Variants in AMOTL1 observed in about 807,000 individuals in gnomAD.
The protein encoded by AMOTL1 is angiomotin-like protein 1.
AMOTL1 carries 45 observed loss-of-function variants against 102.9 expected under a neutral mutation model. The ratio of observed to expected loss-of-function variants is 0.44; its 90% confidence interval spans 0.34 to 0.56. The LOEUF (loss-of-function observed/expected upper bound fraction) is 0.56. Ranked by LOEUF, AMOTL1 falls within the 20% of genes least tolerant of loss-of-function variation. The pLI, the probability that AMOTL1 is intolerant of heterozygous loss-of-function variation, is 0.01. For missense variants in AMOTL1, 1,114 were observed against 1,225.6 expected, an observed-to-expected ratio of 0.91 and a Z score of 1.36; for synonymous variants, 481 against 484.7, an observed-to-expected ratio of 0.99 and a Z score of 0.10.
At chr11:94,855,032 T>G (rs1952632639) in intron 8 of AMOTL1, among the ~76,000 whole-genome samples, 1 of 152,198 alleles carries the variant, frequency 6.6e-6, no homozygotes, top group African/African-American at 2.4e-5. Context: ...TGGCCCCAGA[T>G]GAGCCTGTCC....
At chr11:94,713,502 C>T (rs1358855363) in intron 1 of AMOTL1, among the ~76,000 whole-genome samples, 1 of 150,776 alleles carries the variant, frequency 6.6e-6, no homozygotes, top group Non-Finnish European at 1.5e-5. Flanking sequence ...GTCTTCCAAT[C>T]CTTTAACATG....
intron 1 of AMOTL1, among the ~76,000 whole-genome samples, chr11:94,776,943 A>G (rs1951033389): frequency 1.3e-5 from 2 of 152,238 alleles, no homozygotes; most frequent in African/African-American, 4.8e-5. Context: ...GGAACATAGA[A>G]GAAGGGCAGA....
At chr11:94,831,330 G>C (rs1592011562) in intron 5 of AMOTL1, 122 bp from the exon 6 acceptor site, 2 of 713,878 alleles carry the variant, frequency 2.8e-6, no homozygotes, top group Non-Finnish European at 4.6e-6. Flanking sequence ...AAGTTGTTCA[G>C]TTTTGGGCTC....
chr11:94,865,585 G>A (rs1019094981), intron 10 of AMOTL1, among the ~76,000 whole-genome samples: 2 of 152,110 alleles, frequency 1.3e-5, no homozygotes, highest in Non-Finnish European at 2.9e-5. Flanking sequence ...CCTGTTTGAG[G>A]CTTTAGAGTT....
At chr11:94,831,612 T>C in intron 6 of AMOTL1, 71 bp downstream of exon 6, 2 of 1,352,032 alleles carry the variant, frequency 1.5e-6, no homozygotes, top group Non-Finnish European at 2.1e-6. Flanking sequence ...AAGAATCATA[T>C]TAGTTTCAAG....
chr11:94,762,423 C>T (rs1233890855), intron 3 of AMOTL1, among the ~76,000 whole-genome samples: 1 of 152,160 alleles, frequency 6.6e-6, no homozygotes, highest in Non-Finnish European at 1.5e-5. Context: ...GGGGTGGTTG[C>T]CACTGGCATC....
chr11:94,826,590 CCTT>C (rs543938388), intron 4 of AMOTL1, among the ~76,000 whole-genome samples: 2 of 152,272 alleles, frequency 1.3e-5, no homozygotes, highest in South Asian at 4.2e-4. Context: ...AAGAGCACGT[CCTT>C]CTTCATAACA....
intron 1 of AMOTL1, among the ~76,000 whole-genome samples, chr11:94,711,922 G>T (rs1403747333): frequency 1.3e-5 from 2 of 152,020 alleles, no homozygotes; most frequent in East Asian, 3.9e-4. Context: ...CAAGTTTTTT[G>T]CATGAACATA....
chr11:94,777,485 C>G (rs193121510), intron 1 of AMOTL1, among the ~76,000 whole-genome samples: 1 of 152,102 alleles, frequency 6.6e-6, no homozygotes, highest in Non-Finnish European at 1.5e-5. Context: ...TTCTTACTTT[C>G]AAATTTCTCC....
intron 2 of AMOTL1, chr11:94,729,135 T>G: frequency 9.6e-7 from 1 of 1,036,496 alleles, no homozygotes; most frequent in Non-Finnish European, 1.3e-6. Context: ...CTGTACTCAG[T>G]ACGTGCCCAC....
chr11:94,850,086 G>A (rs1952500498), intron 6 of AMOTL1, 28 bp from the exon 7 acceptor site: 2 of 1,567,672 alleles, frequency 1.3e-6, no homozygotes, highest in Non-Finnish European at 8.7e-7. Context: ...TTCTGATAGA[G>A]GTAGTTTTGT....
chr11:94,847,902 T>C (rs140423341), intron 6 of AMOTL1, among the ~76,000 whole-genome samples: 1 of 152,182 alleles, frequency 6.6e-6, no homozygotes, highest in Non-Finnish European at 1.5e-5. Context: ...GCTCAGACTA[T>C]CATTTTATTA....
At chr11:94,724,643 C>T (rs1178423445) in intron 1 of AMOTL1, among the ~76,000 whole-genome samples, 1 of 152,118 alleles carries the variant, frequency 6.6e-6, no homozygotes, top group Admixed American at 6.5e-5. Flanking sequence ...TACATGTCTC[C>T]TCCTCAAGTT....
intron 2 of AMOTL1, among the ~76,000 whole-genome samples, chr11:94,740,657 G>A (rs1950507987): frequency 6.6e-6 from 1 of 151,986 alleles, no homozygotes; most frequent in South Asian, 2.1e-4. Flanking sequence ...CCCGGCCGGG[G>A]GAGCCGCGGG....
chr11:94,755,956 C>T (rs1037700097), intron 3 of AMOTL1, among the ~76,000 whole-genome samples: 8 of 152,090 alleles, frequency 5.3e-5, no homozygotes, highest in African/African-American at 1.9e-4. Flanking sequence ...CACACGTGGG[C>T]TTGGAGGATG....
rs1692932589 is a variant in AMOTL1, at chr11:94,876,013, T to G, written c.*5218T>G. The G allele has an allele frequency of 6.6e-6, 1 of 152,648 alleles. No homozygotes were observed. Among genetic ancestry groups the G allele is most frequent in the Non-Finnish European group, 1.5e-5 (1 of 68,042 alleles). The allele number at this position is 152,648 out of a possible 1,614,324, so 9.5% of individuals were successfully genotyped here. On this transcript the variant is annotated 3_prime_UTR_variant, in exon 13 of 13. Coordinates refer to ENST00000433060, the MANE Select transcript of AMOTL1 (RefSeq NM_130847.3). ...GTGTTTCTTTGTCATGAAACTTTGC[T>G]TCTTCACAGAATTAGAATACTGCTC...
intron 1 of AMOTL1, among the ~76,000 whole-genome samples, chr11:94,711,714 A>G (rs1214086979): frequency 1.3e-5 from 2 of 152,136 alleles, no homozygotes; most frequent in Non-Finnish European, 2.9e-5. Flanking sequence ...GGCCTCTTCC[A>G]TTCAGCATAA....
intron 3 of AMOTL1, among the ~76,000 whole-genome samples, chr11:94,810,377 C>A (rs181972738): frequency 6.6e-6 from 1 of 151,734 alleles, no homozygotes; most frequent in Admixed American, 6.6e-5. Context: ...GGCTAGACCA[C>A]GTGACGCTTT....
intron 2 of AMOTL1, among the ~76,000 whole-genome samples, chr11:94,733,174 G>A (rs548291345): frequency 1.2e-4 from 18 of 152,322 alleles, no homozygotes; most frequent in African/African-American, 3.6e-4. Flanking sequence ...CCAGAGCTGC[G>A]TTCTATCCAT....
Sources: allele counts gnomAD v4.1 joint callset (sites outside exome capture counted in the v4.1 genomes callset), GRCh38; gene constraint gnomAD v4.1.1; transcripts MANE v1.5; gene names NCBI Gene and HGNC (gene_info 2026-07-23, HGNC 2026-07-21).